MGAT5: variants seen among roughly 807,000 people sequenced by gnomAD.
The protein encoded by MGAT5 is alpha-1,6-mannosylglycoprotein 6-beta-N-acetylglucosaminyltransferase.
In MGAT5, 30 loss-of-function variants were observed where a neutral mutation model predicts 94.3. The observed-to-expected ratio is 0.32, with a 90% confidence interval of 0.24 to 0.43. The LOEUF is 0.43. MGAT5 is among the 20% of genes least tolerant of loss of function. The pLI, the probability that MGAT5 is intolerant of heterozygous loss-of-function variation, is 1.00. For missense variants in MGAT5, 691 were observed against 905.5 expected, an observed-to-expected ratio of 0.76 and a Z score of 3.04; for synonymous variants, 310 against 322.9, an observed-to-expected ratio of 0.96 and a Z score of 0.43.
At chr2:134,135,761 T>G (rs1207848173) in intron 1 of MGAT5, among the ~76,000 whole-genome samples, 1 of 149,250 alleles carries the variant, frequency 6.7e-6, no homozygotes, top group Non-Finnish European at 1.5e-5. Context: ...GAGATATTGG[T>G]CCCATAGTGC....
intron 10 of MGAT5, among the ~76,000 whole-genome samples, chr2:134,364,557 G>C (rs942390266): frequency 6.6e-6 from 1 of 152,160 alleles, no homozygotes; most frequent in Non-Finnish European, 1.5e-5. Flanking sequence ...TCTGGAGTGA[G>C]ATTTAGAAAT....
chr2:134,126,396 G>C (rs958517892), intron 1 of MGAT5, among the ~76,000 whole-genome samples: 2 of 152,174 alleles, frequency 1.3e-5, no homozygotes, highest in Non-Finnish European at 2.9e-5. Flanking sequence ...CCAAAGATCC[G>C]TTCAGTTCCT....
In MGAT5 at chr2:134,448,359, G is replaced by A. The variant is rs925450134; in HGVS notation, c.2028-290G>A. Among the ~76,000 whole-genome samples the A allele has an allele frequency of 3.3e-5, 5 of 152,288 alleles. No homozygotes were observed. The South Asian group carries it at 1.0e-3, about 32-fold the overall frequency. ...GATTTATTTGGCCATTCCCTGCTTG[G>A]TGAGTATTTGGGTTGTTTCCAGTTT... On this transcript the variant is annotated intron_variant, in intron 15 of 15. Coordinates refer to ENST00000281923, the MANE Select transcript of MGAT5 (RefSeq NM_002410.5).
rs10526028 is a variant in MGAT5 at position 134,369,727 on chromosome 2, T to TTGTGTGTGTGTGTGTGTGTGTGTG, written c.1380+7326_1380+7349dup. On this transcript the variant is annotated intron_variant, in intron 10 of 15. Coordinates refer to ENST00000281923, the MANE Select transcript of MGAT5 (RefSeq NM_002410.5). ...TGGTGATAGCTTTATGGTTTTTACA[T>TTGTGTGTGTGTGTGTGTGTGTGTG]TGTGTGTGTGTGTGTGTGTGTGTGT... 3.8e-3 allele frequency among the ~76,000 whole-genome samples: 534 copies of TTGTGTGTGTGTGTGTGTGTGTGTG among 142,254 alleles called. 5 individuals are homozygous for TTGTGTGTGTGTGTGTGTGTGTGTG. Among genetic ancestry groups the TTGTGTGTGTGTGTGTGTGTGTGTG allele is most frequent in the African/African-American group, 0.012 (471 of 38,112 alleles). 93.3% of individuals were successfully genotyped at this position (142,254 alleles called of 152,430 possible).
At chr2:134,201,816 CTTTTTTTTTTTT>C (rs554227745) in intron 1 of MGAT5, among the ~76,000 whole-genome samples, 12,658 of 68,068 alleles carry the variant, frequency 0.19, 889 homozygotes, top group East Asian at 0.42. Flanking sequence ...CCAAGCGCTG[CTTTTTTTTTTTT>C]TTTTTTTTTT....
chr2:134,203,385 A>ATAAG (rs1217865594), intron 1 of MGAT5, among the ~76,000 whole-genome samples: 1 of 152,168 alleles, frequency 6.6e-6, no homozygotes, highest in Admixed American at 6.6e-5. Context: ...GGGTCCAAGG[A>ATAAG]TAAGTGGTTT....
intron 10 of MGAT5, among the ~76,000 whole-genome samples, chr2:134,370,095 TG>T (rs1185921189): frequency 6.6e-6 from 1 of 152,262 alleles, no homozygotes; most frequent in Admixed American, 6.5e-5. Context: ...CTTGCTAATT[TG>T]GTTGACTTGG....
rs373377770 is a variant in MGAT5, at chr2:134,145,214, C to CTCTCTCTGTGTGTG, written c.-143+24924_-143+24925insCTCTCTGTGTGTGT. Among the ~76,000 whole-genome samples, 873 of 143,854 alleles carry CTCTCTCTGTGTGTG rather than the reference C, an allele frequency of 6.1e-3. 3 individuals carry two copies. The highest frequency in any genetic ancestry group is 0.017 in the East Asian group (84 of 4,890). The allele number at this position is 143,854 out of a possible 152,430, so 94.4% of individuals were successfully genotyped here. ...GTAAGGTGTGTGTGTGTCTCTCTCT[C>CTCTCTCTGTGTGTG]TGTGTGTGTGTGTGTGTGTGTGTGT... On this transcript the variant is annotated intron_variant, in intron 1 of 16. Coordinates refer to the MGAT5 transcript ENST00000409645.
At chr2:134,177,145 G>A (rs1488344897) in intron 1 of MGAT5, among the ~76,000 whole-genome samples, 2 of 19,716 alleles carry the variant, frequency 1.0e-4, no homozygotes, top group South Asian at 8.2e-4. Context: ...AAATGAACCC[G>A]TGTGTGTGTG....
chr2:134,432,655 A>G (rs2106391865), intron 14 of MGAT5, among the ~76,000 whole-genome samples: 1 of 152,376 alleles, frequency 6.6e-6, no homozygotes, highest in African/African-American at 2.4e-5. Flanking sequence ...TTAAGCACAG[A>G]ACCCTAGCAG....
intron 1 of MGAT5, among the ~76,000 whole-genome samples, chr2:134,177,691 A>G (rs1046189231): frequency 6.6e-6 from 1 of 152,228 alleles, no homozygotes; most frequent in African/African-American, 2.4e-5. Flanking sequence ...ATTTTTATGC[A>G]CTGGAGTAAG....
upstream of MGAT5, among the ~76,000 whole-genome samples, chr2:134,250,381 C>T (rs1012514968): frequency 1.3e-5 from 2 of 152,178 alleles, no homozygotes; most frequent in Non-Finnish European, 2.9e-5. Context: ...TGGAGGTAGG[C>T]ATCTTCTTAG....
At chr2:134,310,832 C>T (rs967763610) in intron 2 of MGAT5, among the ~76,000 whole-genome samples, 4 of 152,210 alleles carry the variant, frequency 2.6e-5, no homozygotes, top group Non-Finnish European at 5.9e-5. Context: ...TATTGCCATC[C>T]ACTCCTGAAG....
chr2:134,361,075 T>C (rs954985086), intron 9 of MGAT5, among the ~76,000 whole-genome samples: 1 of 152,252 alleles, frequency 6.6e-6, no homozygotes, highest in Non-Finnish European at 1.5e-5. Context: ...GTCCTAGGCC[T>C]GTGCTGCAGG....
intron 15 of MGAT5, 149 bp from the exon 16 acceptor site, chr2:134,448,500 C>T (rs1047596065): frequency 1.5e-5 from 11 of 757,898 alleles, no homozygotes; most frequent in Non-Finnish European, 2.6e-5. Context: ...GGATTGCAGA[C>T]GAAGAGGGTG....
intron 2 of MGAT5, among the ~76,000 whole-genome samples, chr2:134,277,541 A>G (rs1684455166): frequency 1.3e-5 from 2 of 152,154 alleles, no homozygotes; most frequent in African/African-American, 4.8e-5. Flanking sequence ...CCCATAATCC[A>G]TTCACCTCCC....
intron 4 of MGAT5, among the ~76,000 whole-genome samples, chr2:134,328,846 T>C (rs1687792189): frequency 6.6e-6 from 1 of 151,928 alleles, no homozygotes; most frequent in South Asian, 2.1e-4. Flanking sequence ...CAGGGAAGGC[T>C]TCTGTAAGGA....
At chr2:134,389,716 T>C (rs1013770388) in intron 10 of MGAT5, among the ~76,000 whole-genome samples, 10 of 152,208 alleles carry the variant, frequency 6.6e-5, no homozygotes, top group Non-Finnish European at 1.5e-4. Context: ...CATCATAAAT[T>C]TGGAGTACTT....
chr2:134,166,908 A>C (rs1687987694), intron 1 of MGAT5, among the ~76,000 whole-genome samples: 1 of 152,224 alleles, frequency 6.6e-6, no homozygotes, highest in Non-Finnish European at 1.5e-5. Flanking sequence ...CAGATGGTTG[A>C]TACAGACTTG....
Sources: gnomAD v4.1 joint callset for allele counts (sites outside exome capture counted in the v4.1 genomes callset) on GRCh38, gnomAD v4.1.1 for gene constraint, MANE v1.5 for transcripts, NCBI Gene and HGNC (gene_info 2026-07-23, HGNC 2026-07-21) for gene names.